SYNE1: variants seen among roughly 807,000 people sequenced by gnomAD.
The protein encoded by SYNE1 is spectrin repeat containing nuclear envelope protein 1.
In SYNE1, 616 loss-of-function variants were observed where a neutral mutation model predicts 1,111.0. That is an observed-to-expected ratio of 0.55 (90% CI 0.52 to 0.59). The LOEUF (loss-of-function observed/expected upper bound fraction) is 0.59. SYNE1 is among the 20% of genes least tolerant of loss of function. The pLI is 0.00. For synonymous variants in SYNE1, 3,855 were observed against 3,825.8 expected (o/e 1.01, Z -0.28); for missense variants, 10,006 against 10,417.0 (o/e 0.96, Z 1.72).
rs182379804 is a variant in SYNE1, at chr6:152,224,401, T to C, written c.21522+93A>G. The C allele has an allele frequency of 5.3e-5, 57 of 1,083,452 alleles. 1 individual carries two copies. The Admixed American group carries it at 7.4e-4, about 14-fold the overall frequency. 67.1% of individuals were successfully genotyped at this position (1,083,452 alleles called of 1,614,324 possible). A position where few individuals can be genotyped will look rare whatever the true frequency, so the allele number is the denominator to read the frequency against. On this transcript the variant is annotated intron_variant, in intron 117 of 145. Coordinates refer to ENST00000367255, the MANE Select transcript of SYNE1 (RefSeq NM_182961.4). ...AAAATAATTAAACGTAAACAACATA[T>C]GGCAATATTTCAGGATGATGTCTCC... is the stretch of plus-strand genomic sequence containing the variant.
At chr6:152,255,778 A>G (rs1278944294) in intron 102 of SYNE1, 32 bp from the exon 103 acceptor site, 10 of 1,613,304 alleles carry the variant, frequency 6.2e-6, no homozygotes, top group Non-Finnish European at 8.5e-6. Flanking sequence ...CAAATAATCA[A>G]TTTCAGTGTT....
intron 101 of SYNE1, among the ~76,000 whole-genome samples, chr6:152,259,437 C>T (rs1305974961): frequency 6.6e-6 from 1 of 152,106 alleles, no homozygotes; most frequent in East Asian, 1.9e-4. Flanking sequence ...GAGGTTAGTG[C>T]CCTTTGACCT....
At chr6:152,287,097 T>C (rs1374965822) in intron 95 of SYNE1, among the ~76,000 whole-genome samples, 1 of 152,246 alleles carries the variant, frequency 6.6e-6, no homozygotes, top group African/African-American at 2.4e-5. Flanking sequence ...TTTGATTTAA[T>C]TTTACTAAAG....
At chr6:152,588,735 C>T (rs2099548318) in intron 3 of SYNE1, among the ~76,000 whole-genome samples, 1 of 152,108 alleles carries the variant, frequency 6.6e-6, no homozygotes, top group East Asian at 1.9e-4. Context: ...AAGGCAGGCA[C>T]ATTTTGAAGT....
chr6:152,157,781 T>TG (rs1157461172), intron 131 of SYNE1, among the ~76,000 whole-genome samples: 2 of 150,702 alleles, frequency 1.3e-5, no homozygotes, highest in African/African-American at 4.9e-5. Flanking sequence ...TTTTTTTAGA[T>TG]GGAGTCTCAC....
At chr6:152,362,085 G>A in intron 64 of SYNE1, 85 bp downstream of exon 64, 2 of 1,588,060 alleles carry the variant, frequency 1.3e-6, no homozygotes, top group Non-Finnish European at 1.7e-6. Context: ...CTGCCCTAGG[G>A]TACACGTAAT....
intron 55 of SYNE1, 74 bp downstream of exon 55, chr6:152,385,600 T>G (rs1563589235): frequency 2.0e-6 from 3 of 1,534,396 alleles, no homozygotes; most frequent in Non-Finnish European, 2.7e-6. Flanking sequence ...CAGAATCTTA[T>G]CTACAAAATC....
chr6:152,379,851 T>C (rs1388637679), intron 56 of SYNE1, among the ~76,000 whole-genome samples: 2 of 152,216 alleles, frequency 1.3e-5, no homozygotes, highest in Admixed American at 1.3e-4. Context: ...AATAGTAATG[T>C]AATCTAGGCA....
intron 91 of SYNE1, among the ~76,000 whole-genome samples, chr6:152,305,000 C>A (rs1444183586): frequency 6.6e-6 from 1 of 152,152 alleles, no homozygotes; most frequent in Non-Finnish European, 1.5e-5. Flanking sequence ...GTTATTCAAG[C>A]TGTGGTCAAA....
intron 11 of SYNE1, among the ~76,000 whole-genome samples, chr6:152,496,615 C>T (rs1449319410): frequency 6.6e-6 from 1 of 152,128 alleles, no homozygotes; most frequent in Non-Finnish European, 1.5e-5. Flanking sequence ...TCAGTTTAAT[C>T]TCTCCCACTC....
chr6:152,552,119 TG>T (rs2099349112), intron 3 of SYNE1, among the ~76,000 whole-genome samples: 1 of 152,184 alleles, frequency 6.6e-6, no homozygotes, highest in South Asian at 2.1e-4. Flanking sequence ...ATACATTGTT[TG>T]GTGTGGAATG....
At chr6:152,358,643 C>T (rs2096880038) in intron 65 of SYNE1, 106 bp from the exon 66 acceptor site, 1 of 1,089,298 alleles carries the variant, frequency 9.2e-7, no homozygotes, top group Admixed American at 2.1e-5. Flanking sequence ...ATTATTGAGA[C>T]ATTAGAATAT....
In SYNE1 at chr6:152,222,424, A is replaced by G. The variant is rs151166035; in HGVS notation, c.21523-865T>C. On this transcript the variant is annotated intron_variant, in intron 117 of 145. Transcript: ENST00000367255. ...GGTCTCTATTTTGTTACATACCCGC[A>G]GTGCTTCTACCACAAACTCCCGAAG... is the stretch of plus-strand genomic sequence containing the variant. Among the ~76,000 whole-genome samples, 532 of 152,334 alleles carry G rather than the reference A, an allele frequency of 3.5e-3. 4 individuals are homozygous for G. Among genetic ancestry groups the G allele is most frequent in the African/African-American group, 0.012 (497 of 41,584 alleles).
intron 5 of SYNE1, among the ~76,000 whole-genome samples, chr6:152,521,333 C>A (rs1257882145): frequency 6.6e-6 from 1 of 151,886 alleles, no homozygotes; most frequent in East Asian, 1.9e-4. Context: ...TACTTCTCAC[C>A]TTTTGTACAA....
At chr6:152,537,633 T>C (rs1208343619) in intron 4 of SYNE1, among the ~76,000 whole-genome samples, 1 of 152,170 alleles carries the variant, frequency 6.6e-6, no homozygotes, top group Non-Finnish European at 1.5e-5. Context: ...TATATTAATT[T>C]GCAACTGAGC....
Position 152,395,625 on chromosome 6 carries a change from C to T in SYNE1, c.7603G>A (p.Glu2535Lys), listed in dbSNP as rs764800126. ...RKLNLWIHEM[E>K]ERFNTENLGE... ...AAGTTTTCCGTATTGAACCTTTCTT[C>T]CATTTCATGGATCCATAAGTTCAGT... Residue 2535 changes from glutamate to lysine, a missense_variant, in exon 51 of 146, where the codon GAA becomes AAA. Around this residue, in one of 7 missense-constraint regions of SYNE1, gnomAD observed 4,955 missense variants for 5,017.2 expected, o/e 0.99. Transcript: ENST00000367255. 5.0e-6 allele frequency: 8 copies of T among 1,614,044 alleles called. No individual in the cohort carries two copies. In the African/African-American group the frequency reaches 9.3e-5, roughly 19 times the overall value.
intron 42 of SYNE1, among the ~76,000 whole-genome samples, chr6:152,410,786 G>C (rs1403667675): frequency 6.6e-6 from 1 of 152,174 alleles, no homozygotes; most frequent in Non-Finnish European, 1.5e-5. Context: ...TTTACATCTA[G>C]AGATTTTCCA....
chr6:152,265,684 CT>C (rs36071843), intron 100 of SYNE1, among the ~76,000 whole-genome samples: 1 of 152,094 alleles, frequency 6.6e-6, no homozygotes, highest in Non-Finnish European at 1.5e-5. Context: ...AAAACATAGC[CT>C]TTTGTTCCCC....
chr6:152,495,991 C>A (rs527492263), intron 11 of SYNE1, among the ~76,000 whole-genome samples: 2 of 152,150 alleles, frequency 1.3e-5, no homozygotes, highest in African/African-American at 4.8e-5. Context: ...GTACAAGACA[C>A]CTCTTTTAGT....
Sources: allele counts gnomAD v4.1 joint callset (sites outside exome capture counted in the v4.1 genomes callset), GRCh38; gene constraint gnomAD v4.1.1; regional missense constraint gnomAD v4.1.1; transcripts MANE v1.5; gene names NCBI Gene and HGNC (gene_info 2026-07-23, HGNC 2026-07-21).